TRIM59: variants seen among roughly 807,000 people sequenced by gnomAD.
The protein encoded by TRIM59 is tripartite motif containing 59, also known as tripartite motif-containing protein 59.
TRIM59 carries 14 observed loss-of-function variants against 32.2 expected under a neutral mutation model. The observed-to-expected ratio is 0.43, with a 90% CI of 0.29 to 0.68. The LOEUF (loss-of-function observed/expected upper bound fraction) is 0.68, where lower values mean the gene tolerates loss of function less well. TRIM59 is among the 30% of genes least tolerant of loss of function. The pLI, the probability that TRIM59 is intolerant of heterozygous loss-of-function variation, is 0.15. For missense variants in TRIM59, 471 were observed against 463.3 expected, an observed-to-expected ratio of 1.02 and a Z score of -0.15; for synonymous variants, 163 against 155.1, an observed-to-expected ratio of 1.05 and a Z score of -0.38.
chr3:160,435,800 A>T lies in TRIM59; in HGVS notation c.*2172T>A. The stretch of plus-strand genomic sequence containing the variant: ...ACCAACATTAATCTTGGCCTACTTT[A>T]AAGTTGAGTGATAGCATGAACTCTG... On this transcript the variant is annotated 3_prime_UTR_variant, in exon 3 of 3. Coordinates refer to ENST00000309784, the MANE Select transcript of TRIM59 (RefSeq NM_173084.3). 2.0e-6 allele frequency: 1 copy of T among 503,598 alleles called. No homozygotes were observed. The highest frequency in any genetic ancestry group is 3.6e-6 in the Non-Finnish European group (1 of 278,428). 31.2% of individuals were successfully genotyped at this position (503,598 alleles called of 1,614,324 possible).
At position 160,437,138 on chromosome 3, in the gene TRIM59, GC is replaced by G; in HGVS notation, c.*833del. 1.1e-6 allele frequency: 1 copy of G among 902,118 alleles called. No individual in the cohort carries two copies. 55.9% of individuals were successfully genotyped at this position (902,118 alleles called of 1,614,324 possible). A position where few individuals can be genotyped will look rare whatever the true frequency, so the allele number is the denominator to read the frequency against. ...AGGCCAAGGTGGGCAGATCTCTTGA[GC>G]CCAGAAGTTTGAGACCAACCTGGGC... On this transcript the variant is annotated 3_prime_UTR_variant, in exon 3 of 3. Transcript: ENST00000309784.
At position 160,438,802 on chromosome 3, in the gene TRIM59, C is replaced by A; in HGVS notation, c.382G>T (p.Gly128Cys). Residue 128 changes from glycine (G) to cysteine (C), a missense_variant, in exon 3 of 3, where the codon GGT becomes TGT. Transcript: ENST00000309784. ...GHCLTIGQHH[G>C]HPIDDLQSAY... ...CTTTGAAGGTCATCTATAGGATGAC[C>A]ATGATGTTGACCTATGGTAAGGCAA... The A allele has an allele frequency of 6.2e-7, 1 of 1,613,824 alleles. No homozygotes were observed. Among genetic ancestry groups the A allele is most frequent in the South Asian group, 1.1e-5 (1 of 91,070 alleles).
In TRIM59 at chr3:160,437,709, T is replaced by C. The variant is rs745943201; in HGVS notation, c.*263A>G. On this transcript the variant is annotated 3_prime_UTR_variant, in exon 3 of 3. Transcript: ENST00000309784. Reference sequence around the variant, plus strand: ...AGAATGTTTAAATGTCACAGCAACATTATGTCAACCATCATAAAGCCAATA... The same window carrying C: ...AGAATGTTTAAATGTCACAGCAACACTATGTCAACCATCATAAAGCCAATA... 6.3e-6 allele frequency: 7 copies of C among 1,105,928 alleles called. No homozygotes were observed. The highest frequency in any genetic ancestry group is 7.7e-6 in the Non-Finnish European group (7 of 909,422). 68.5% of individuals were successfully genotyped at this position (1,105,928 alleles called of 1,614,324 possible).
chr3:160,438,252 CT>C lies in TRIM59; in HGVS notation c.931del (p.Arg311GlyfsTer17), dbSNP rs1560023524. 6.2e-7 allele frequency: 1 copy of C among 1,613,790 alleles called. No homozygotes were observed. The highest frequency in any genetic ancestry group is 1.7e-5 in the Admixed American group (1 of 60,018). On this transcript the variant is annotated frameshift_variant, in exon 3 of 3. Coordinates refer to ENST00000309784, the MANE Select transcript of TRIM59 (RefSeq NM_173084.3). LOFTEE classifies it high-confidence loss of function. ...LIPKMKISPKRMSCSWPGKDE... is the reference protein window; with the variant it reads ...LIPKMKISPKXMSCSWPGKDE... ...CTTACCAGGCCAGGAACATGACATCCTTTTTGGAGAAATTTTCATTTTGGGA... is the reference window on the plus strand; with the variant it reads ...CTTACCAGGCCAGGAACATGACATCCTTTTGGAGAAATTTTCATTTTGGGA...
chr3:160,448,953 G>A (rs1719675983), intron 1 of TRIM59, 158 bp from the exon 2 acceptor site: 1 of 351,440 alleles, frequency 2.8e-6, no homozygotes, highest in Non-Finnish European at 5.3e-6. Flanking sequence ...AGCTGCAGTA[G>A]AGGTATCGCT....
chr3:160,435,790 G>T lies in TRIM59; in HGVS notation c.*2182C>A. 1 of 456,174 alleles carries T rather than the reference G, an allele frequency of 2.2e-6. No homozygotes were observed. The highest frequency in any genetic ancestry group is 4.2e-6 in the Non-Finnish European group (1 of 239,524). 28.3% of individuals were successfully genotyped at this position (456,174 alleles called of 1,614,324 possible). On this transcript the variant is annotated 3_prime_UTR_variant, in exon 3 of 3. Coordinates refer to ENST00000309784, the MANE Select transcript of TRIM59 (RefSeq NM_173084.3). ...ACAAACCCTTACCAACATTAATCTT[G>T]GCCTACTTTAAAGTTGAGTGATAGC...
At chr3:160,441,668 G>T (rs933951590) in intron 2 of TRIM59, among the ~76,000 whole-genome samples, 2 of 150,976 alleles carry the variant, frequency 1.3e-5, no homozygotes, top group African/African-American at 4.9e-5. Flanking sequence ...GCAGGAGAAT[G>T]GCGTCAACCC....
chr3:160,439,304 G>A, intron 2 of TRIM59, 118 bp from the exon 3 acceptor site: 1 of 805,370 alleles, frequency 1.2e-6, no homozygotes, highest in Non-Finnish European at 1.8e-6. Context: ...AAGAGAACAA[G>A]GTATTTTTAA....
At chr3:160,439,716 T>G (rs1304816746) in intron 2 of TRIM59, among the ~76,000 whole-genome samples, 1 of 152,202 alleles carries the variant, frequency 6.6e-6, no homozygotes, top group Non-Finnish European at 1.5e-5. Context: ...CTGCCATGAT[T>G]GTGAGGTCTC....
Position 160,438,482 on chromosome 3 carries a change from T to C in TRIM59, c.702A>G (p.Glu234=), listed in dbSNP as rs202052815. Residue 234 remains glutamate (E), a synonymous_variant, in exon 3 of 3, where the codon GAA becomes GAG. Coordinates refer to ENST00000309784, the MANE Select transcript of TRIM59 (RefSeq NM_173084.3). ...GTAAAGATATTGTCAGTGCCATTAA[T>C]TCAAGCTGCTGCTCTCGTATTTCCT... ...RMKEIREQQL[E]LMALTISLQE... is the part of the protein sequence containing the mutation. The C allele has an allele frequency of 3.1e-6, 5 of 1,613,382 alleles. No homozygotes were observed. The highest frequency in any genetic ancestry group is 2.5e-6 in the Non-Finnish European group (3 of 1,179,852).
rs549578350 is a variant in TRIM59 at position 160,447,310 on chromosome 3, A to G, written c.-4+1416T>C. ...CCTCTAGTGAGTACTAAGCTCATGT[A>G]AAAACCAAGTTCAAGATTTCCTGCT... On this transcript the variant is annotated intron_variant, in intron 2 of 2. Coordinates refer to ENST00000309784, the MANE Select transcript of TRIM59 (RefSeq NM_173084.3). Among the ~76,000 whole-genome samples the G allele has an allele frequency of 2.3e-3, 352 of 152,336 alleles. 3 individuals carry two copies. Among genetic ancestry groups the G allele is most frequent in the African/African-American group, 7.8e-3 (325 of 41,570 alleles).
At chr3:160,439,228 C>G (rs1056413038) in intron 2 of TRIM59, 42 bp from the exon 3 acceptor site, 1 of 1,436,452 alleles carries the variant, frequency 7.0e-7, no homozygotes, top group East Asian at 2.4e-5. Context: ...ATAGAGACAC[C>G]TGTACATATT....
chr3:160,435,841 G>A lies in TRIM59; in HGVS notation c.*2131C>T, dbSNP rs1164678983. On this transcript the variant is annotated 3_prime_UTR_variant, in exon 3 of 3. Coordinates refer to ENST00000309784, the MANE Select transcript of TRIM59 (RefSeq NM_173084.3). Reference sequence around the variant, plus strand: ...ATGAACTCTGAAAAGAGAATGCATGGGTTTTCTCACAGCTATATGGCCTTG... The same window carrying A: ...ATGAACTCTGAAAAGAGAATGCATGAGTTTTCTCACAGCTATATGGCCTTG... The A allele has an allele frequency of 1.4e-6, 1 of 721,704 alleles. No individual in the cohort carries two copies. The highest frequency in any genetic ancestry group is 2.1e-6 in the Non-Finnish European group (1 of 471,904). 44.7% of individuals were successfully genotyped at this position (721,704 alleles called of 1,614,324 possible).
chr3:160,438,648 T>G lies in TRIM59; in HGVS notation c.536A>C (p.Gln179Pro). ...CTGGAGAACAGCTTCCTTATCGCCTTGGATCATTTTCTCAGAATGAGATTT... is the reference window on the plus strand; with the variant it reads ...CTGGAGAACAGCTTCCTTATCGCCTGGGATCATTTTCTCAGAATGAGATTT... Reference protein sequence around the residue: ...EQKSHSEKMIQGDKEAVLQYF... With the variant: ...EQKSHSEKMIPGDKEAVLQYF... The change falls in exon 3 of 3, where the codon CAA becomes CCA. Residue 179 changes from glutamine to proline, a missense_variant. Coordinates refer to ENST00000309784, the MANE Select transcript of TRIM59 (RefSeq NM_173084.3). 6.2e-7 allele frequency: 1 copy of G among 1,613,332 alleles called. No individual in the cohort carries two copies. The highest frequency in any genetic ancestry group is 8.5e-7 in the Non-Finnish European group (1 of 1,179,758).
At chr3:160,447,067 G>A (rs993157743) in intron 2 of TRIM59, among the ~76,000 whole-genome samples, 1 of 151,902 alleles carries the variant, frequency 6.6e-6, no homozygotes, top group African/African-American at 2.4e-5. Flanking sequence ...AAAACAATTT[G>A]AATGTATTTA....
intron 2 of TRIM59, chr3:160,447,825 A>C (rs181690690): frequency 7.2e-5 from 11 of 152,264 alleles, no homozygotes; most frequent in African/African-American, 2.7e-4. Flanking sequence ...ACTGGGGCTC[A>C]CATCTTTGTG....
rs1353724545 is a variant in TRIM59 at position 160,438,182 on chromosome 3, TA to T, written c.1001del (p.Val334GlufsTer4). ...TCAGTATTACTGAAATTAATGTAAC[TA>T]CAACAATGTTTAAAATTTTTAAAAA... The part of the protein sequence containing the change: ...VEFLKILNIV[V>X]VTLISVILMS... On this transcript the variant is annotated frameshift_variant, in exon 3 of 3. Transcript: ENST00000309784. LOFTEE classifies it high-confidence loss of function. The T allele has an allele frequency of 9.9e-6, 16 of 1,612,910 alleles. No homozygotes were observed. The highest frequency in any genetic ancestry group is 1.4e-5 in the Non-Finnish European group (16 of 1,179,558).
rs781295047 is a variant in TRIM59, at chr3:160,438,196, A to C, written c.988T>G (p.Leu330Val). 6.2e-7 allele frequency: 1 copy of C among 1,612,960 alleles called. No homozygotes were observed. The highest frequency in any genetic ancestry group is 1.1e-5 in the South Asian group (1 of 90,702). ...ATTAATGTAACTACAACAATGTTTA[A>C]AATTTTTAAAAATTCAACTTCCTTT... is the stretch of plus-strand genomic sequence containing the variant. ...DEKEVEFLKI[L>V]NIVVVTLISV... Residue 330 changes from leucine to valine, a missense_variant, in exon 3 of 3, where the codon TTA becomes GTA. Transcript: ENST00000309784.
rs1166591043 is a variant in TRIM59, at chr3:160,438,693, A to G, written c.491T>C (p.Ile164Thr). 3.7e-6 allele frequency: 6 copies of G among 1,613,350 alleles called. No homozygotes were observed. Among genetic ancestry groups the G allele is most frequent in the East Asian group, 2.2e-5 (1 of 44,880 alleles). Residue 164 changes from isoleucine to threonine, a missense_variant, in exon 3 of 3, where the codon ATT (isoleucine) becomes ACT (threonine). By Grantham distance (89) the Ile-to-Thr change is moderately conservative (BLOSUM62 -1). Transcript: ENST00000309784. ...DTHWTDLTHL[I>T]EKLKEQKSHS... Reference sequence around the variant, plus strand: ...AGATTTTTGTTCTTTCAGCTTTTCAATAAGATGGGTAAGATCTGTCCAGTG... The same window carrying G: ...AGATTTTTGTTCTTTCAGCTTTTCAGTAAGATGGGTAAGATCTGTCCAGTG...
Sources: gnomAD v4.1 joint callset for allele counts (sites outside exome capture counted in the v4.1 genomes callset) on GRCh38, gnomAD v4.1.1 for gene constraint, MANE v1.5 for transcripts, NCBI Gene and HGNC (gene_info 2026-07-23, HGNC 2026-07-21) for gene names.